Variants in NSMCE4A observed in about 807,000 individuals in gnomAD.
NSMCE4A encodes non-structural maintenance of chromosomes element 4 homolog A.
In NSMCE4A, 40 loss-of-function variants were observed where a neutral mutation model predicts 47.9. The ratio of observed to expected loss-of-function variants is 0.83; its 90% CI spans 0.65 to 1.09. The LOEUF (loss-of-function observed/expected upper bound fraction) is 1.09, where lower values mean the gene tolerates loss of function less well. Among genes scored for constraint, NSMCE4A ranks in the 50% least tolerant of loss-of-function variants. The pLI is 0.00. For synonymous variants in NSMCE4A, 166 were observed against 178.5 expected, an observed-to-expected ratio of 0.93 and a Z score of 0.56; for missense variants, 500 against 507.0, an observed-to-expected ratio of 0.99 and a Z score of 0.13.
At position 121,964,661 on chromosome 10, in the gene NSMCE4A, C is replaced by T. The variant is rs761753225; in HGVS notation, c.753+625G>A. Among the ~76,000 whole-genome samples, 5 of 149,902 alleles carry T rather than the reference C, an allele frequency of 3.3e-5. No individual in the cohort carries two copies. In the East Asian group the frequency reaches 6.0e-4, roughly 18 times the overall value. ...TTCCCCGTATTGGCCGGGCTGGTCT[C>T]GAACTCCTGACCTTGTGATCTGCCC... On this transcript the variant is annotated intron_variant, in intron 5 of 10. Coordinates refer to ENST00000369023, the MANE Select transcript of NSMCE4A (RefSeq NM_017615.3).
intron 2 of NSMCE4A, 47 bp downstream of exon 2, chr10:121,973,953 CTAAT>C (rs1309656210): frequency 1.6e-6 from 2 of 1,273,586 alleles, no homozygotes; most frequent in African/African-American, 3.0e-5. Context: ...TTATGTAACA[CTAAT>C]TAAAAGTATC....
chr10:121,963,982 G>A (rs1952553412), intron 5 of NSMCE4A, among the ~76,000 whole-genome samples: 1 of 151,218 alleles, frequency 6.6e-6, no homozygotes, highest in African/African-American at 2.4e-5. Context: ...TGTAATCCCA[G>A]CTACTTGGGA....
In NSMCE4A at chr10:121,974,854, G is replaced by T. The variant is rs1470458567; in HGVS notation, c.292+20C>A. ...ACAGCGGCCCGTCCGGGCCCGCGCCGCCCGGAGGCGCCGCCTTACGTTGGA... is the reference window on the plus strand; with the variant it reads ...ACAGCGGCCCGTCCGGGCCCGCGCCTCCCGGAGGCGCCGCCTTACGTTGGA... On this transcript the variant is annotated intron_variant, in intron 1 of 10. Coordinates refer to ENST00000369023, the MANE Select transcript of NSMCE4A (RefSeq NM_017615.3). 13 of 1,431,810 alleles carry T rather than the reference G, an allele frequency of 9.1e-6. No individual in the cohort carries two copies. The highest frequency in any genetic ancestry group is 1.2e-5 in the Non-Finnish European group (13 of 1,090,480). The allele number at this position is 1,431,810 out of a possible 1,614,324, so 88.7% of individuals were successfully genotyped here. A position where few individuals can be genotyped will look rare whatever the true frequency, so the allele number is the denominator to read the frequency against.
At chr10:121,958,803 A>G (rs1952445236) in intron 10 of NSMCE4A, among the ~76,000 whole-genome samples, 2 of 150,874 alleles carry the variant, frequency 1.3e-5, no homozygotes. Flanking sequence ...ACAATCCTGC[A>G]CTGCTTCTTT....
At chr10:121,969,606 ATTATT>A (rs751792677) in intron 3 of NSMCE4A, among the ~76,000 whole-genome samples, 25 of 152,134 alleles carry the variant, frequency 1.6e-4, no homozygotes, top group Non-Finnish European at 3.7e-4. Flanking sequence ...ATAGTACTAA[ATTATT>A]TTAATAACCA....
chr10:121,966,974 C>G (rs1205875832), intron 4 of NSMCE4A: 1 of 152,128 alleles, frequency 6.6e-6, no homozygotes, highest in Admixed American at 6.6e-5. Flanking sequence ...GGTCATCTAA[C>G]AGGGTATTAT....
At chr10:121,972,050 G>A (rs745791075) in intron 2 of NSMCE4A, among the ~76,000 whole-genome samples, 1 of 152,246 alleles carries the variant, frequency 6.6e-6, no homozygotes, top group Admixed American at 6.5e-5. Flanking sequence ...GCTGGGCACA[G>A]CAGCTCATGC....
At chr10:121,969,117 G>A (rs184075371) in intron 3 of NSMCE4A, among the ~76,000 whole-genome samples, 6 of 152,330 alleles carry the variant, frequency 3.9e-5, no homozygotes, top group Admixed American at 3.3e-4. Flanking sequence ...AGTCCAGGCG[G>A]GTGGATCACG....
Position 121,974,084 on chromosome 10 carries a change from AT to A in NSMCE4A, c.293-4del. The A allele has an allele frequency of 6.3e-7, 1 of 1,594,166 alleles. No individual in the cohort carries two copies. Among genetic ancestry groups the A allele is most frequent in the Non-Finnish European group, 8.6e-7 (1 of 1,167,432 alleles). On this transcript the variant is annotated splice_region_variant and splice_polypyrimidine_tract_variant and intron_variant, in intron 1 of 10. Transcript: ENST00000369023. ...ATTCAGTATGTCCTCACGGTTTTCTATTTTTAAAAATACAAACTTTGGGAAA... is the reference window on the plus strand; with the variant it reads ...ATTCAGTATGTCCTCACGGTTTTCTATTTTAAAAATACAAACTTTGGGAAA...
At chr10:121,964,093 C>A in intron 5 of NSMCE4A, among the ~76,000 whole-genome samples, 1 of 906 alleles carries the variant, frequency 1.1e-3, no homozygotes, top group Non-Finnish European at 6.9e-3. Context: ...AAGACTCTGT[C>A]TCAAAAAAAA....
At chr10:121,974,815 G>T in intron 1 of NSMCE4A, 59 bp downstream of exon 1, 1 of 1,249,400 alleles carries the variant, frequency 8.0e-7, no homozygotes. Flanking sequence ...CCCCGCGCCC[G>T]GCGCAGGGCG....
chr10:121,964,538 G>A (rs1952568551), intron 5 of NSMCE4A, among the ~76,000 whole-genome samples: 1 of 152,080 alleles, frequency 6.6e-6, no homozygotes, highest in Non-Finnish European at 1.5e-5. Context: ...CTGCCTCCTA[G>A]ATTCCTAATT....
Position 121,959,393 on chromosome 10 carries a change from A to G in NSMCE4A, c.1101T>C (p.Phe367=). 6.2e-7 allele frequency: 1 copy of G among 1,614,188 alleles called. No individual in the cohort carries two copies. Among genetic ancestry groups the G allele is most frequent in the South Asian group, 1.1e-5 (1 of 91,084 alleles). The change falls in exon 10 of 11, where the codon TTT becomes TTC. Residue 367 remains phenylalanine, a synonymous_variant. Coordinates refer to ENST00000369023, the MANE Select transcript of NSMCE4A (RefSeq NM_017615.3). Reference sequence around the variant, plus strand: ...GAGTAATCACAGGCTCTGAAATCTCAAAGGTCTTCACAATCTCCTGGCAGA... The same window carrying G: ...GAGTAATCACAGGCTCTGAAATCTCGAAGGTCTTCACAATCTCCTGGCAGA... The part of the protein sequence containing the change: ...YRDWEEIVKT[F]EISEPVITPS...
At position 121,972,246 on chromosome 10, in the gene NSMCE4A, T is replaced by TG. The variant is rs76035057; in HGVS notation, c.371-1178dup. On this transcript the variant is annotated intron_variant, in intron 2 of 10. Transcript: ENST00000369023. ...CTGAAGCTGGAGAATAGCTTTAACCTGGGGGGGGCAGAGGTTGCAGTGAGC... is the reference window on the plus strand; with the variant it reads ...CTGAAGCTGGAGAATAGCTTTAACCTGGGGGGGGGCAGAGGTTGCAGTGAGC... Among the ~76,000 whole-genome samples, 681 of 151,608 alleles carry TG rather than the reference T, an allele frequency of 4.5e-3. 8 individuals are homozygous for TG. The highest frequency in any genetic ancestry group is 0.039 in the East Asian group (201 of 5,150).
At chr10:121,963,524 G>C (rs984197326) in intron 5 of NSMCE4A, among the ~76,000 whole-genome samples, 196 bp from the exon 6 acceptor site, 2 of 151,000 alleles carry the variant, frequency 1.3e-5, no homozygotes, top group Admixed American at 1.3e-4. Flanking sequence ...TCAGACTCCT[G>C]TGCTCAAGGG....
In NSMCE4A at chr10:121,960,136, T is replaced by C. The variant is rs1332042647; in HGVS notation, c.988+222A>G. 1 of 378,308 alleles carries C rather than the reference T, an allele frequency of 2.6e-6. No homozygotes were observed. The highest frequency in any genetic ancestry group is 2.1e-5 in the African/African-American group (1 of 47,936). 23.4% of individuals were successfully genotyped at this position (378,308 alleles called of 1,614,324 possible). ...GATCTGAGGGAAATTATATCATTTC[T>C]TTGTTAATATTTACAGCAGATGTTG... On this transcript the variant is annotated intron_variant, in intron 8 of 10. Transcript: ENST00000369023. This position sits in a 1 kb window ranked among gnomAD's most constrained non-coding sequence, Gnocchi z 4.2.
At position 121,963,220 on chromosome 10, in the gene NSMCE4A, G is replaced by C. The variant is rs1330857931; in HGVS notation, c.844+18C>G. 5 of 1,503,056 alleles carry C rather than the reference G, an allele frequency of 3.3e-6. No individual in the cohort carries two copies. In the African/African-American group the frequency reaches 5.5e-5, roughly 17 times the overall value. 93.1% of individuals were successfully genotyped at this position (1,503,056 alleles called of 1,614,324 possible). ...AGATAAATACAAATTGCTCCACTTT[G>C]AATGGTGTTACACTTACGATCTTCT... is the stretch of plus-strand genomic sequence containing the variant. On this transcript the variant is annotated intron_variant, in intron 6 of 10. Coordinates refer to ENST00000369023, the MANE Select transcript of NSMCE4A (RefSeq NM_017615.3).
chr10:121,964,103 A>AAAAAAAAAC (rs76551972), intron 5 of NSMCE4A, among the ~76,000 whole-genome samples: 34 of 147,742 alleles, frequency 2.3e-4, no homozygotes, highest in Non-Finnish European at 4.0e-4. Context: ...CTCAAAAAAA[A>AAAAAAAAAC]TTATGGTTTA....
chr10:121,959,447 A>T, intron 9 of NSMCE4A, 37 bp from the exon 10 acceptor site: 1 of 1,612,596 alleles, frequency 6.2e-7, no homozygotes, highest in Non-Finnish European at 8.5e-7. Context: ...CACTGGGCTT[A>T]CTGCAAGTGA....
Sources: gnomAD v4.1 joint callset for allele counts (sites outside exome capture counted in the v4.1 genomes callset) on GRCh38, gnomAD v4.1.1 for gene constraint, Gnocchi (gnomAD v3.1) non-coding constraint, MANE v1.5 for transcripts, NCBI Gene and HGNC (gene_info 2026-07-23, HGNC 2026-07-21) for gene names.